The following MTPAP variants were observed in gnomAD, a reference collection of about 807,000 sequenced individuals.
MTPAP encodes mitochondrial poly(A) polymerase.
MTPAP carries 23 observed loss-of-function variants against 48.7 expected under a neutral mutation model. The observed-to-expected ratio is 0.47, with a 90% CI of 0.34 to 0.67. The LOEUF is 0.67. Among genes scored for constraint, MTPAP ranks in the 30% least tolerant of loss-of-function variants. The pLI is 0.01. For synonymous variants in MTPAP, 257 were observed against 254.1 expected (o/e 1.01, Z -0.11); for missense variants, 614 against 694.3 (o/e 0.88, Z 1.30).
At position 30,347,763 on chromosome 10, in the gene MTPAP, T is replaced by A. The variant is rs141321070; in HGVS notation, c.157+1356A>T. The stretch of plus-strand genomic sequence containing the variant: ...AAAATTAGCCAGGCGTGGTGCCACG[T>A]GCCTGTAATCCCAGCTACTCGGGAG... On this transcript the variant is annotated intron_variant, in intron 1 of 8. Coordinates refer to ENST00000263063, the MANE Select transcript of MTPAP (RefSeq NM_018109.4). Among the ~76,000 whole-genome samples, 673 of 152,212 alleles carry A rather than the reference T, an allele frequency of 4.4e-3. 1 individual carries two copies. The highest frequency in any genetic ancestry group is 0.015 in the African/African-American group (609 of 41,530).
At chr10:30,335,070 T>C (rs1326580003) in intron 4 of MTPAP, among the ~76,000 whole-genome samples, 1 of 152,220 alleles carries the variant, frequency 6.6e-6, no homozygotes, top group Non-Finnish European at 1.5e-5. Flanking sequence ...GGAAGATGAA[T>C]ATAAGTTGTC....
intron 1 of MTPAP, among the ~76,000 whole-genome samples, chr10:30,346,081 T>C (rs1283081849): frequency 6.6e-6 from 1 of 151,666 alleles, no homozygotes; most frequent in African/African-American, 2.4e-5. Context: ...TATCCTGTAT[T>C]TAGAATTAAA....
chr10:30,319,116 G>A (rs1190245895), intron 6 of MTPAP, among the ~76,000 whole-genome samples: 1 of 152,000 alleles, frequency 6.6e-6, no homozygotes, highest in Non-Finnish European at 1.5e-5. Flanking sequence ...ATGGAGCAAT[G>A]AAAAAAAGCA....
intron 1 of MTPAP, among the ~76,000 whole-genome samples, chr10:30,342,543 C>CA (rs59507352): frequency 0.019 from 2,539 of 136,542 alleles, 40 homozygotes; most frequent in Non-Finnish European, 0.029. Context: ...CGGAGTTCCA[C>CA]AAAAAAAAAA....
chr10:30,331,856 C>G (rs1445499838), intron 4 of MTPAP, among the ~76,000 whole-genome samples: 1 of 152,204 alleles, frequency 6.6e-6, no homozygotes, highest in Non-Finnish European at 1.5e-5. Context: ...CGTGAGCCAC[C>G]ACGCCTAGCT....
chr10:30,342,149 T>C (rs939436717), intron 1 of MTPAP, among the ~76,000 whole-genome samples: 2 of 151,982 alleles, frequency 1.3e-5, no homozygotes, highest in African/African-American at 2.4e-5. Context: ...AACAGGAGAA[T>C]CACTTGAAAC....
chr10:30,323,844 C>T (rs868462255), intron 5 of MTPAP, among the ~76,000 whole-genome samples: 1 of 152,142 alleles, frequency 6.6e-6, no homozygotes, highest in Non-Finnish European at 1.5e-5. Context: ...AGTTTCTAAA[C>T]ATGATTTAAA....
intron 1 of MTPAP, among the ~76,000 whole-genome samples, chr10:30,342,141 C>G (rs12248613): frequency 0.024 from 3,726 of 152,152 alleles, 137 homozygotes; most frequent in African/African-American, 0.084. Flanking sequence ...GAGGCTGAAA[C>G]AGGAGAATCA....
chr10:30,349,048 C>G (rs370416077), intron 1 of MTPAP, 71 bp downstream of exon 1: 1 of 1,607,966 alleles, frequency 6.2e-7, no homozygotes. Context: ...CCACAGGCCA[C>G]GTGTTTCCCC....
rs779139185 is a variant in MTPAP, at chr10:30,322,561, A to G, written c.1049T>C (p.Val350Ala). 5 of 1,613,902 alleles carry G rather than the reference A, an allele frequency of 3.1e-6. No individual in the cohort carries two copies. In the East Asian group the frequency reaches 8.9e-5, roughly 29 times the overall value. ...CCGTACACTGAACACCAAGGCTCTCACTCTTGAGTCTAGGGCACCATATAT... is the reference window on the plus strand; with the variant it reads ...CCGTACACTGAACACCAAGGCTCTCGCTCTTGAGTCTAGGGCACCATATAT... The part of the protein sequence containing the change: ...LYIYGALDSR[V>A]RALVFSVRCW... The change falls in exon 6 of 9, where the codon GTG (valine) becomes GCG (alanine). Residue 350 changes from valine to alanine, a missense_variant. Physicochemically the swap from Val to Ala is moderately conservative, Grantham distance 64. This residue lies in a region of MTPAP where 261 missense variants were observed against 355.4 expected (regional missense o/e 0.73). Coordinates refer to ENST00000263063, the MANE Select transcript of MTPAP (RefSeq NM_018109.4).
chr10:30,341,405 T>C (rs1834805036), intron 2 of MTPAP, 63 bp downstream of exon 2: 1 of 1,555,774 alleles, frequency 6.4e-7, no homozygotes, highest in Non-Finnish European at 8.7e-7. Flanking sequence ...AAAAAACAAC[T>C]AATGGAGACC....
intron 4 of MTPAP, among the ~76,000 whole-genome samples, chr10:30,331,628 G>A (rs1022411649): frequency 3.3e-5 from 5 of 152,128 alleles, no homozygotes; most frequent in South Asian, 2.1e-4. Flanking sequence ...GTGTAGTGGC[G>A]CAATCTCGGC....
chr10:30,310,510 C>T lies in MTPAP; in HGVS notation c.*3099G>A, dbSNP rs1004326919. ...CTGAGGCAGAAGAATCACCTGAACC[C>T]GGGAAGTGGAGGTTTCAGTGAGCCA... On this transcript the variant is annotated 3_prime_UTR_variant, in exon 9 of 9. Transcript: ENST00000263063. 2.7e-5 allele frequency: 4 copies of T among 149,548 alleles called. No homozygotes were observed. The highest frequency in any genetic ancestry group is 5.9e-5 in the Non-Finnish European group (4 of 67,708). The allele number at this position is 149,548 out of a possible 1,614,324, so 9.3% of individuals were successfully genotyped here. A position where few individuals can be genotyped will look rare whatever the true frequency, so the allele number is the denominator to read the frequency against.
chr10:30,323,556 C>G (rs1840753094), intron 5 of MTPAP, among the ~76,000 whole-genome samples: 1 of 151,992 alleles, frequency 6.6e-6, no homozygotes, highest in South Asian at 2.1e-4. Flanking sequence ...GTCGCCCAGG[C>G]TAGAGCGCAA....
intron 3 of MTPAP, among the ~76,000 whole-genome samples, chr10:30,339,410 C>T (rs905935305): frequency 2.8e-5 from 4 of 142,010 alleles, no homozygotes; most frequent in African/African-American, 5.3e-5. Context: ...TTGCTTGAAT[C>T]GGGGAGCAGT....
At chr10:30,332,029 C>T (rs1240167432) in intron 4 of MTPAP, among the ~76,000 whole-genome samples, 1 of 152,132 alleles carries the variant, frequency 6.6e-6, no homozygotes, top group African/African-American at 2.4e-5. Flanking sequence ...AATTATAAAG[C>T]AAGGTGTAGT....
chr10:30,317,309 A>G (rs1840674582), intron 6 of MTPAP, among the ~76,000 whole-genome samples: 1 of 152,210 alleles, frequency 6.6e-6, no homozygotes, highest in Admixed American at 6.5e-5. Flanking sequence ...CTTAATTTAC[A>G]TCTCCAATTC....
Position 30,322,448 on chromosome 10 carries a change from G to A in MTPAP, c.1162C>T (p.Leu388Phe). Residue 388 changes from leucine to phenylalanine, a missense_variant, in exon 6 of 9, where the codon CTC becomes TTC. Physicochemically the swap from Leu to Phe is conservative, Grantham distance 22. This residue lies in a region of MTPAP where 261 missense variants were observed against 355.4 expected (regional missense o/e 0.73). Coordinates refer to ENST00000263063, the MANE Select transcript of MTPAP (RefSeq NM_018109.4). Reference protein sequence around the residue: ...FSLTMMVIFFLQRRSPPILPT... With the variant: ...FSLTMMVIFFFQRRSPPILPT... Reference sequence around the variant, plus strand: ...AGAATAGGGGGTGATCTTCTCTGGAGAAAAAAGATGACCATCATTGTAAGG... The same window carrying A: ...AGAATAGGGGGTGATCTTCTCTGGAAAAAAAAGATGACCATCATTGTAAGG... 3 of 1,613,644 alleles carry A rather than the reference G, an allele frequency of 1.9e-6. No individual in the cohort carries two copies. The highest frequency in any genetic ancestry group is 2.5e-6 in the Non-Finnish European group (3 of 1,179,638).
At chr10:30,325,148 T>C (rs1020196443) in intron 5 of MTPAP, among the ~76,000 whole-genome samples, 1 of 152,152 alleles carries the variant, frequency 6.6e-6, no homozygotes, top group East Asian at 1.9e-4. Flanking sequence ...ATTACAAAGA[T>C]AAATGTAATT....
Sources: gnomAD v4.1 joint callset for allele counts (sites outside exome capture counted in the v4.1 genomes callset) on GRCh38, gnomAD v4.1.1 for gene constraint, gnomAD v4.1.1 regional missense constraint, MANE v1.5 for transcripts, NCBI Gene and HGNC (gene_info 2026-07-23, HGNC 2026-07-21) for gene names.